Variants in MID1 observed in about 807,000 individuals in gnomAD.
The protein encoded by MID1 is midline 1.
MID1 carries 7 observed loss-of-function variants against 40.4 expected under a neutral mutation model. The ratio of observed to expected loss-of-function variants is 0.17; its 90% CI spans 0.10 to 0.33. The LOEUF is 0.33. MID1 is among the 10% of genes least tolerant of loss of function. The probability of loss-of-function intolerance (pLI) is 1.00; values close to 1 mark genes in which losing one functional copy is unlikely to be tolerated. For missense variants in MID1, 367 were observed against 558.5 expected (o/e 0.66, Z 3.46); for synonymous variants, 229 against 221.2 (o/e 1.04, Z -0.31).
At chrX:10,624,733 C>A (rs942513587), upstream of MID1, among the ~76,000 whole-genome samples, 1 of 112,091 alleles carries the variant, frequency 8.9e-6, no homozygotes, top group African/African-American at 3.2e-5. Context: ...ACCTCAGCCT[C>A]CTGAGTAGCT....
At chrX:10,674,270 A>G (rs984878662) in intron 1 of MID1, among the ~76,000 whole-genome samples, 1 of 112,726 alleles carries the variant, frequency 8.9e-6, no homozygotes, top group Non-Finnish European at 1.9e-5. Context: ...AGCCAGTAAC[A>G]TATTTTAATG....
At chrX:10,632,584 T>TA (rs1303834808) in intron 1 of MID1, among the ~76,000 whole-genome samples, 2 of 110,924 alleles carry the variant, frequency 1.8e-5, no homozygotes, top group Middle Eastern at 4.2e-3. Flanking sequence ...GAGGGCTTGT[T>TA]AAAACACAGG....
chrX:10,727,274 C>T (rs6530412), intron 1 of MID1, among the ~76,000 whole-genome samples: 22,623 of 110,123 alleles, frequency 0.21, 2,628 homozygotes, highest in African/African-American at 0.44. Flanking sequence ...GCCACCATGC[C>T]CGGCTAATTT....
chrX:10,584,636 CATA>C (rs1227520973), intron 1 of MID1, among the ~76,000 whole-genome samples: 1 of 112,671 alleles, frequency 8.9e-6, no homozygotes, highest in Non-Finnish European at 1.9e-5. Context: ...TTTGAAATGT[CATA>C]ATGTCATTTG....
chrX:10,650,445 C>A (rs1445562319), intron 1 of MID1, among the ~76,000 whole-genome samples: 1 of 110,499 alleles, frequency 9.0e-6, no homozygotes, highest in Non-Finnish European at 1.9e-5. Context: ...AAAGTCCGGA[C>A]CTAACAAAGA....
intron 1 of MID1, among the ~76,000 whole-genome samples, chrX:10,644,470 T>A (rs1214849578): frequency 9.0e-6 from 1 of 110,641 alleles, no homozygotes. Flanking sequence ...CATTTCTTTT[T>A]CATTATTCAT....
At chrX:10,786,886 G>A (rs1250377554) in intron 1 of MID1, among the ~76,000 whole-genome samples, 6 of 108,633 alleles carry the variant, frequency 5.5e-5, no homozygotes, top group African/African-American at 2.0e-4. Context: ...GTTAATGGGT[G>A]CAGCACACCA....
intron 3 of MID1, among the ~76,000 whole-genome samples, chrX:10,498,721 CTT>C (rs1931389682): frequency 8.9e-6 from 1 of 112,171 alleles, no homozygotes; most frequent in African/African-American, 3.2e-5. Context: ...AATACATAAT[CTT>C]TTGTTTGGCT....
intron 4 of MID1, among the ~76,000 whole-genome samples, chrX:10,483,270 C>T (rs1349241329): frequency 3.6e-5 from 4 of 111,656 alleles, no homozygotes; most frequent in South Asian, 3.7e-4. Context: ...TCACTGGGAA[C>T]GTCATTTCCA....
At chrX:10,821,006 A>G (rs1247930388) in intron 1 of MID1, among the ~76,000 whole-genome samples, 1 of 112,378 alleles carries the variant, frequency 8.9e-6, no homozygotes, top group Non-Finnish European at 1.9e-5. Flanking sequence ...CAAACTCACA[A>G]GAGACTGGAT....
chrX:10,677,663 G>A (rs898651035), intron 1 of MID1: 2 of 112,613 alleles, frequency 1.8e-5, no homozygotes, highest in Admixed American at 1.9e-4. Flanking sequence ...CACACCACCA[G>A]CTCCACTACA....
chrX:10,784,242 C>T (rs935777491), intron 1 of MID1, among the ~76,000 whole-genome samples: 1 of 110,574 alleles, frequency 9.0e-6, no homozygotes, highest in Non-Finnish European at 1.9e-5. Flanking sequence ...ATACAGAACT[C>T]CAAAGAACTT....
chrX:10,529,813 G>T (rs1932912064), intron 2 of MID1, among the ~76,000 whole-genome samples: 1 of 111,356 alleles, frequency 9.0e-6, no homozygotes, highest in South Asian at 3.7e-4. Context: ...TCATTGCTTA[G>T]TCCCTTCCCA....
At chrX:10,465,674 C>T (rs1273174246) in intron 7 of MID1, among the ~76,000 whole-genome samples, 1 of 110,743 alleles carries the variant, frequency 9.0e-6, no homozygotes, top group African/African-American at 3.3e-5. Flanking sequence ...CTGGCCTTGA[C>T]GAAGCAAGCT....
At chrX:10,704,765 C>CACACACAGAG (rs781699598) in intron 1 of MID1, among the ~76,000 whole-genome samples, 2 of 91,643 alleles carry the variant, frequency 2.2e-5, no homozygotes, top group African/African-American at 8.9e-5. Flanking sequence ...CACACACACA[C>CACACACAGAG]AGAGAGAGAG....
chrX:10,465,214 T>TACATACATACACAC (rs1556005748), intron 7 of MID1, among the ~76,000 whole-genome samples: 9 of 39,902 alleles, frequency 2.3e-4, no homozygotes, highest in African/African-American at 1.3e-3. Flanking sequence ...TATATATATA[T>TACATACATACACAC]ACACACACAC....
At chrX:10,756,213 C>T (rs1602558659) in intron 1 of MID1, among the ~76,000 whole-genome samples, 1 of 111,610 alleles carries the variant, frequency 9.0e-6, no homozygotes, top group African/African-American at 3.3e-5. Flanking sequence ...ATAAATTAAG[C>T]TCCTTTGGAA....
chrX:10,661,100 A>G (rs1026680469), intron 1 of MID1, among the ~76,000 whole-genome samples: 1 of 111,591 alleles, frequency 9.0e-6, no homozygotes, highest in African/African-American at 3.3e-5. Flanking sequence ...CAACTGTGAC[A>G]CTTGAGACTT....
At chrX:10,574,547 A>G (rs1421405453) in intron 1 of MID1, among the ~76,000 whole-genome samples, 1 of 112,083 alleles carries the variant, frequency 8.9e-6, no homozygotes, top group African/African-American at 3.2e-5. Flanking sequence ...CACATCATCC[A>G]TAATTTTTAT....
Sources: allele counts gnomAD v4.1 joint callset (sites outside exome capture counted in the v4.1 genomes callset), GRCh38; gene constraint gnomAD v4.1.1; transcripts MANE v1.5; gene names NCBI Gene and HGNC (gene_info 2026-07-23, HGNC 2026-07-21).